Variants in MOV10 observed in about 807,000 individuals in gnomAD.
The protein encoded by MOV10 is Mov10 RNA helicase.
In MOV10, 39 loss-of-function variants were observed where a neutral mutation model predicts 108.4. The observed-to-expected ratio is 0.36, with a 90% CI of 0.28 to 0.47. MOV10 has a LOEUF of 0.47. Among genes scored for constraint, MOV10 ranks in the 20% least tolerant of loss-of-function variants. The pLI is 1.00. For missense variants in MOV10, 952 were observed against 1,297.6 expected (o/e 0.73, Z 4.09); for synonymous variants, 490 against 523.1 (o/e 0.94, Z 0.86).
chr1:112,692,102 G>A (rs935948107), intron 6 of MOV10, among the ~76,000 whole-genome samples: 5 of 152,210 alleles, frequency 3.3e-5, no homozygotes, highest in Non-Finnish European at 7.3e-5. Flanking sequence ...GGCCGAGGCA[G>A]GTGGATCATT....
intron 2 of MOV10, among the ~76,000 whole-genome samples, chr1:112,685,745 C>T (rs1392714370): frequency 1.3e-5 from 2 of 151,400 alleles, no homozygotes; most frequent in East Asian, 1.9e-4. Context: ...GGCTTTTTTC[C>T]GACAAGAATA....
chr1:112,692,856 G>C lies in MOV10; in HGVS notation c.1067G>C (p.Arg356Pro), dbSNP rs989775366. ...GAACTGCAGATGGAGCATGATATCC[G>C]GCACTATGACCTGGAGTCGGTGCCC... Reference protein sequence around the residue: ...LEELQMEHDIRHYDLESVPMT... With the variant: ...LEELQMEHDIPHYDLESVPMT... The change falls in exon 7 of 21, where the codon CGG becomes CCG. Residue 356 changes from arginine to proline, a missense_variant. By Grantham distance (103) the Arg-to-Pro change is moderately radical. Transcript: ENST00000369645. 6.2e-7 allele frequency: 1 copy of C among 1,613,910 alleles called. No homozygotes were observed. Among genetic ancestry groups the C allele is most frequent in the African/African-American group, 1.3e-5 (1 of 75,034 alleles).
At chr1:112,690,362 T>C (rs1673471718) in intron 5 of MOV10, among the ~76,000 whole-genome samples, 1 of 152,148 alleles carries the variant, frequency 6.6e-6, no homozygotes. Flanking sequence ...TTTGTTTTGT[T>C]TTTTGTTTTT....
chr1:112,685,458 C>T (rs1325478328), intron 2 of MOV10, among the ~76,000 whole-genome samples: 1 of 151,754 alleles, frequency 6.6e-6, no homozygotes, highest in Non-Finnish European at 1.5e-5. Context: ...AGATTGAGAC[C>T]ATCCTGGCTA....
intron 2 of MOV10, chr1:112,685,200 T>C (rs79866234): frequency 1.4e-5 from 2 of 143,992 alleles, no homozygotes; most frequent in Non-Finnish European, 3.0e-5. Context: ...TTTTTTTTTT[T>C]TTCACTATTG....
chr1:112,689,351 C>T, intron 3 of MOV10, 64 bp from the exon 4 acceptor site: 2 of 1,488,242 alleles, frequency 1.3e-6, no homozygotes, highest in South Asian at 2.4e-5. Context: ...AAAGCTTTCC[C>T]CAGGGTAACT....
intron 2 of MOV10, among the ~76,000 whole-genome samples, chr1:112,682,481 C>A (rs1672737764): frequency 6.6e-6 from 1 of 152,148 alleles, no homozygotes; most frequent in African/African-American, 2.4e-5. Context: ...CTGTGCCGGG[C>A]CTTTAAGCAA....
rs776951802 is a variant in MOV10, at chr1:112,698,447, G to A, written c.2477G>A (p.Ser826Asn). 2.1e-5 allele frequency: 34 copies of A among 1,613,994 alleles called. No individual in the cohort carries two copies. Among genetic ancestry groups the A allele is most frequent in the Non-Finnish European group, 1.2e-5 (14 of 1,180,022 alleles). Residue 826 changes from serine (S) to asparagine (N), a missense_variant, in exon 16 of 21, where the codon AGT becomes AAT. Ser to Asn is a conservative substitution (Grantham distance 46, BLOSUM62 1). Around this residue, in one of 5 missense-constraint regions of MOV10, gnomAD observed 453 missense variants for 611.5 expected, o/e 0.74. Transcript: ENST00000369645. ...GGCAAAGCTCGCCTGAGCCCTCGAAGTGTGGGCGTCATCTCCCCGTACCGG... is the reference window on the plus strand; with the variant it reads ...GGCAAAGCTCGCCTGAGCCCTCGAAATGTGGGCGTCATCTCCCCGTACCGG... Reference protein sequence around the residue: ...KKGKARLSPRSVGVISPYRKQ... With the variant: ...KKGKARLSPRNVGVISPYRKQ...
chr1:112,700,402 TTC>T lies in MOV10; in HGVS notation c.2921-8_2921-7del, dbSNP rs767383626. The T allele has an allele frequency of 6.8e-6, 11 of 1,613,524 alleles. No individual in the cohort carries two copies. The African/African-American group carries it at 8.0e-5, about 12-fold the overall frequency. ...GGTGGTAAGGAAGACACAGTGTACT[TTC>T]TCTCTTTCCAGGGCCCCACAGCCAT... On this transcript the variant is annotated splice_polypyrimidine_tract_variant and intron_variant, in intron 20 of 20. Transcript: ENST00000369645.
At chr1:112,688,207 AG>A (rs775023582) in intron 2 of MOV10, 6 of 245,586 alleles carry the variant, frequency 2.4e-5, no homozygotes, top group Non-Finnish European at 3.9e-5. Flanking sequence ...CATCCAGCAT[AG>A]TGTCTGGCAC....
At chr1:112,696,913 GGA>G (rs2101414785) in intron 14 of MOV10, 67 bp downstream of exon 14, 2 of 1,310,520 alleles carry the variant, frequency 1.5e-6, no homozygotes, top group East Asian at 5.0e-5. Context: ...AGACCCCACT[GGA>G]GAGTCTGGCT....
Position 112,675,193 on chromosome 1 carries a change from C to A in MOV10, c.137+144C>A, listed in dbSNP as rs1396918979. Reference sequence around the variant, plus strand: ...AGGCCAGTCCCGGGGCGGCGCAGACCTCCCCTCCCGCGCCTCGCCCACGCC... The same window carrying A: ...AGGCCAGTCCCGGGGCGGCGCAGACATCCCCTCCCGCGCCTCGCCCACGCC... On this transcript the variant is annotated intron_variant, in intron 2 of 20. Coordinates refer to ENST00000369645, the MANE Select transcript of MOV10 (RefSeq NM_001321324.2). This position sits in a 1 kb window ranked among gnomAD's most constrained non-coding sequence, Gnocchi z 4.7. 2.3e-6 allele frequency: 2 copies of A among 885,056 alleles called. No individual in the cohort carries two copies. Among genetic ancestry groups the A allele is most frequent in the Non-Finnish European group, 3.2e-6 (2 of 630,294 alleles). The allele number at this position is 885,056 out of a possible 1,614,324, so 54.8% of individuals were successfully genotyped here. A position where few individuals can be genotyped will look rare whatever the true frequency, so the allele number is the denominator to read the frequency against.
In MOV10 at chr1:112,689,392, C is replaced by G. The variant is rs1199926464; in HGVS notation, c.342-23C>G. The G allele has an allele frequency of 1.1e-5, 15 of 1,412,808 alleles. 1 individual carries two copies. The highest frequency in any genetic ancestry group is 1.5e-5 in the Non-Finnish European group (15 of 997,004). 87.5% of individuals were successfully genotyped at this position (1,412,808 alleles called of 1,614,324 possible). A position where few individuals can be genotyped will look rare whatever the true frequency, so the allele number is the denominator to read the frequency against. On this transcript the variant is annotated intron_variant, in intron 3 of 20. Coordinates refer to ENST00000369645, the MANE Select transcript of MOV10 (RefSeq NM_001321324.2). The stretch of plus-strand genomic sequence containing the variant: ...GTCAGACCGCTCCCACCCCAACCCC[C>G]CCTTGACTCCCCTTCTCCCCAGGGC...
chr1:112,698,346 A>G lies in MOV10; in HGVS notation c.2376A>G (p.Pro792=). The G allele has an allele frequency of 6.2e-7, 1 of 1,614,182 alleles. No individual in the cohort carries two copies. The part of the protein sequence containing the change: ...MGKDEREGNS[P]SFFNPEEAAT... Reference sequence around the variant, plus strand: ...AAGATGAGCGTGAAGGCAACAGCCCATCCTTCTTCAACCCTGAAGAGGCTG... The same window carrying G: ...AAGATGAGCGTGAAGGCAACAGCCCGTCCTTCTTCAACCCTGAAGAGGCTG... Residue 792 remains proline (P), a synonymous_variant, in exon 16 of 21, where the codon CCA becomes CCG. Coordinates refer to ENST00000369645, the MANE Select transcript of MOV10 (RefSeq NM_001321324.2).
At position 112,689,811 on chromosome 1, in the gene MOV10, C is replaced by T. The variant is rs776150168; in HGVS notation, c.578-29C>T. The T allele has an allele frequency of 3.3e-5, 53 of 1,607,620 alleles. 2 individuals carry two copies. In the South Asian group the frequency reaches 5.5e-4, roughly 17 times the overall value. On this transcript the variant is annotated intron_variant, in intron 4 of 20. Transcript: ENST00000369645. ...AAGGATATGGGTGGGAGGGTCCCTA[C>T]CCCCATTCACTCATCCATTCTCCTC... is the stretch of plus-strand genomic sequence containing the variant.
chr1:112,686,863 C>T (rs1170529175), intron 2 of MOV10: 6 of 447,132 alleles, frequency 1.3e-5, no homozygotes, highest in South Asian at 1.6e-5. Context: ...CGAATCTTGC[C>T]GCTCTTCTTC....
At chr1:112,695,370 G>A (rs759485007) in intron 10 of MOV10, 46 bp from the exon 11 acceptor site, 1 of 1,600,092 alleles carries the variant, frequency 6.2e-7, no homozygotes, top group South Asian at 1.1e-5. Context: ...GGGTACGGCT[G>A]AGTCTCAGGA....
chr1:112,686,799 T>A (rs182040915), intron 2 of MOV10, among the ~76,000 whole-genome samples: 1 of 152,366 alleles, frequency 6.6e-6, no homozygotes, highest in Non-Finnish European at 1.5e-5. Flanking sequence ...CCAGCCTTCA[T>A]TCCCCCTTCT....
intron 11 of MOV10, among the ~76,000 whole-genome samples, chr1:112,695,808 G>A (rs1430900679): frequency 6.6e-6 from 1 of 152,136 alleles, no homozygotes; most frequent in East Asian, 1.9e-4. Context: ...TGAGGGGCGA[G>A]GCAGATGGAT....
Sources: gnomAD v4.1 joint callset for allele counts (sites outside exome capture counted in the v4.1 genomes callset) on GRCh38, gnomAD v4.1.1 for gene constraint, gnomAD v4.1.1 regional missense constraint, Gnocchi (gnomAD v3.1) non-coding constraint, MANE v1.5 for transcripts, NCBI Gene and HGNC (gene_info 2026-07-23, HGNC 2026-07-21) for gene names.